FANCM: variants seen among roughly 807,000 people sequenced by gnomAD.
The protein encoded by FANCM is FA complementation group M.
In FANCM, 140 loss-of-function variants were observed where a neutral mutation model predicts 199.5. The observed-to-expected ratio is 0.70, with a 90% CI of 0.61 to 0.81. The LOEUF (loss-of-function observed/expected upper bound fraction) is 0.81. FANCM is among the 30% of genes least tolerant of loss of function. The probability of loss-of-function intolerance (pLI) is 0.00; values close to 1 mark genes in which losing one functional copy is unlikely to be tolerated. For synonymous variants in FANCM, 840 were observed against 836.8 expected, an observed-to-expected ratio of 1.00 and a Z score of -0.07; for missense variants, 2,410 against 2,421.4, an observed-to-expected ratio of 1.00 and a Z score of 0.10.
Position 45,175,712 on chromosome 14 carries a change from A to T in FANCM, c.2958A>T (p.Val986=), listed in dbSNP as rs779452715. The T allele has an allele frequency of 5.0e-6, 8 of 1,613,916 alleles. No individual in the cohort carries two copies. The highest frequency in any genetic ancestry group is 6.8e-6 in the Non-Finnish European group (8 of 1,179,872). ...FYNCHSLTKE[V]LANVERFLSY... ...ATTGTCACTCATTGACAAAAGAGGT[A>T]CTAGCTAATGTAGAGAGATTTTTAT... is the stretch of plus-strand genomic sequence containing the variant. Residue 986 remains valine, a synonymous_variant, in exon 14 of 23, where the codon GTA becomes GTT. Coordinates refer to ENST00000267430, the MANE Select transcript of FANCM (RefSeq NM_020937.4).
At chr14:45,140,065 A>G (rs572309309) in intron 2 of FANCM, among the ~76,000 whole-genome samples, 2 of 152,308 alleles carry the variant, frequency 1.3e-5, no homozygotes, top group Admixed American at 1.3e-4. Context: ...TTCAAATATA[A>G]TTTCGTATTG....
At position 45,137,039 on chromosome 14, in the gene FANCM, T is replaced by C. The variant is rs1432960671; in HGVS notation, c.509-30T>C. On this transcript the variant is annotated intron_variant, in intron 1 of 22. Coordinates refer to ENST00000267430, the MANE Select transcript of FANCM (RefSeq NM_020937.4). The stretch of plus-strand genomic sequence containing the variant: ...ATTTTATAGATAACAGTCTGAAGTT[T>C]AGAATGTAGAATGTCACTTTTATTT... 1.9e-6 allele frequency: 3 copies of C among 1,539,482 alleles called. No homozygotes were observed. In the Admixed American group the frequency reaches 5.0e-5, roughly 26 times the overall value.
chr14:45,167,043 A>G lies in FANCM; in HGVS notation c.1882A>G (p.Met628Val). 1.9e-6 allele frequency: 3 copies of G among 1,611,874 alleles called. No homozygotes were observed. Among genetic ancestry groups the G allele is most frequent in the South Asian group, 1.1e-5 (1 of 91,038 alleles). The change falls in exon 11 of 23, where the codon ATG becomes GTG. Residue 628 changes from methionine (M) to valine (V), a missense_variant. Coordinates refer to ENST00000267430, the MANE Select transcript of FANCM (RefSeq NM_020937.4). ...TCATTTTTACCAAAGAAGTCCACGA[A>G]TGGTTCCTGATGGAATCAACCCAAA... ...VLHFYQRSPR[M>V]VPDGINPKLH... is the part of the protein sequence containing the mutation.
rs927740676 is a variant in FANCM at position 45,153,907 on chromosome 14, G to C, written c.1051-13G>C. 6.2e-7 allele frequency: 1 copy of C among 1,607,140 alleles called. No individual in the cohort carries two copies. Among genetic ancestry groups the C allele is most frequent in the Non-Finnish European group, 8.5e-7 (1 of 1,173,966 alleles). ...ATTTCTCTGGTTAAATTTGACATAT[G>C]CTGTTTTTCTAGGGAATACAACAAG... On this transcript the variant is annotated splice_polypyrimidine_tract_variant and intron_variant, in intron 5 of 22. Coordinates refer to ENST00000267430, the MANE Select transcript of FANCM (RefSeq NM_020937.4).
At chr14:45,136,631 C>G in intron 1 of FANCM, 92 bp downstream of exon 1, 1 of 1,246,302 alleles carries the variant, frequency 8.0e-7, no homozygotes, top group East Asian at 2.3e-5. Context: ...CATCTTACGC[C>G]CTCCCTCTTA....
chr14:45,166,266 G>T (rs375500382), intron 10 of FANCM, among the ~76,000 whole-genome samples: 2 of 151,904 alleles, frequency 1.3e-5, no homozygotes, highest in South Asian at 2.1e-4. Context: ...TGAGTAGCTG[G>T]GACTACAGGC....
intron 14 of FANCM, 78 bp from the exon 15 acceptor site, chr14:45,181,352 C>A: frequency 1.3e-6 from 1 of 742,870 alleles, no homozygotes; most frequent in Non-Finnish European, 2.3e-6. Flanking sequence ...CTTAATGTAG[C>A]CATCAATAAA....
rs549949638 is a variant in FANCM at position 45,141,144 on chromosome 14, C to T, written c.759+435C>T. Among the ~76,000 whole-genome samples, 10 of 151,752 alleles carry T rather than the reference C, an allele frequency of 6.6e-5. No individual in the cohort carries two copies. In the East Asian group the frequency reaches 9.7e-4, roughly 15 times the overall value. Reference sequence around the variant, plus strand: ...TCTACCAAAAATACAAAAAATTAACCGGGCGTGGTGGTGGGCACCTGTAGT... The same window carrying T: ...TCTACCAAAAATACAAAAAATTAACTGGGCGTGGTGGTGGGCACCTGTAGT... On this transcript the variant is annotated intron_variant, in intron 3 of 22. Coordinates refer to ENST00000267430, the MANE Select transcript of FANCM (RefSeq NM_020937.4).
chr14:45,181,491 A>G lies in FANCM; in HGVS notation c.4284A>G (p.Lys1428=), dbSNP rs1594805798. The G allele has an allele frequency of 6.2e-7, 1 of 1,608,358 alleles. No individual in the cohort carries two copies. Among genetic ancestry groups the G allele is most frequent in the Middle Eastern group, 1.7e-4 (1 of 6,050 alleles). ...ACGAGATTTTCCGAAGAAAAGTTAA[A>G]AGAGCAAAAGGAAATGTTTTAAACT... ...EDDEIFRRKV[K]RAKGNVLNSP... The change falls in exon 15 of 23, where the codon AAA becomes AAG. Residue 1428 remains lysine (K), a synonymous_variant. Coordinates refer to ENST00000267430, the MANE Select transcript of FANCM (RefSeq NM_020937.4).
rs2139318691 is a variant in FANCM, at chr14:45,196,163, C to T, written c.5341-9C>T. The T allele has an allele frequency of 6.2e-7, 1 of 1,614,066 alleles. No homozygotes were observed. Among genetic ancestry groups the T allele is most frequent in the African/African-American group, 1.3e-5 (1 of 75,030 alleles). On this transcript the variant is annotated splice_polypyrimidine_tract_variant and intron_variant, in intron 20 of 22. Transcript: ENST00000267430. ...ACCTGAATGTGACCAGTGTTTTCCACTTTTTCAGGATGGTAGTGCTTTGGA... is the reference window on the plus strand; with the variant it reads ...ACCTGAATGTGACCAGTGTTTTCCATTTTTTCAGGATGGTAGTGCTTTGGA...
In FANCM at chr14:45,193,933, A is replaced by G. The variant is rs75657942; in HGVS notation, c.5341-2239A>G. 4.4e-3 allele frequency among the ~76,000 whole-genome samples: 672 copies of G among 152,236 alleles called. 7 individuals are homozygous for G. The highest frequency in any genetic ancestry group is 0.015 in the African/African-American group (624 of 41,552). ...CATCTTAATAATGTTAAATTTCTCA[A>G]TGCATGAAAATGGGATGTCTTTTTA... On this transcript the variant is annotated intron_variant, in intron 20 of 22. Coordinates refer to ENST00000267430, the MANE Select transcript of FANCM (RefSeq NM_020937.4).
chr14:45,170,439 T>G (rs1327493357), intron 11 of FANCM, 150 bp from the exon 12 acceptor site: 3 of 570,436 alleles, frequency 5.3e-6, no homozygotes, highest in Non-Finnish European at 9.6e-6. Context: ...GGCAGGAGGA[T>G]TGCTTGAACC....
intron 9 of FANCM, among the ~76,000 whole-genome samples, chr14:45,162,870 T>G (rs1053801840): frequency 6.6e-6 from 1 of 152,194 alleles, no homozygotes; most frequent in Non-Finnish European, 1.5e-5. Flanking sequence ...TGGCCTTTTT[T>G]TTTTCTTTAT....
chr14:45,181,963 G>C (rs1889101471), intron 16 of FANCM, among the ~76,000 whole-genome samples: 1 of 152,150 alleles, frequency 6.6e-6, no homozygotes, highest in African/African-American at 2.4e-5. Context: ...CAGTACACTT[G>C]AGCAATTCGG....
At chr14:45,196,582 G>A (rs2139321106) in intron 21 of FANCM, 35 bp downstream of exon 21, 1 of 1,596,194 alleles carries the variant, frequency 6.3e-7, no homozygotes, top group Non-Finnish European at 8.5e-7. Context: ...TTATAAGACT[G>A]TAAAGGAACT....
chr14:45,152,238 C>T (rs999208250), intron 5 of FANCM, among the ~76,000 whole-genome samples: 11 of 152,036 alleles, frequency 7.2e-5, no homozygotes, highest in African/African-American at 1.7e-4. Flanking sequence ...TCATGTTGGC[C>T]GGGCTGGTCT....
Position 45,188,968 on chromosome 14 carries a change from T to G in FANCM, c.4946T>G (p.Leu1649Arg), listed in dbSNP as rs1472981713. 4 of 1,613,952 alleles carry G rather than the reference T, an allele frequency of 2.5e-6. No individual in the cohort carries two copies. The highest frequency in any genetic ancestry group is 1.3e-5 in the African/African-American group (1 of 74,920). The change falls in exon 20 of 23, where the codon CTA (leucine) becomes CGA (arginine). Residue 1649 changes from leucine to arginine, a missense_variant. By Grantham distance (102) the Leu-to-Arg change is moderately radical. Coordinates refer to ENST00000267430, the MANE Select transcript of FANCM (RefSeq NM_020937.4). ...TATAAAACTCGACGTGCAGTAATGC[T>G]AAAAGAAATGATGGAACAAAATTGT... ...KKYKTRRAVM[L>R]KEMMEQNCAH...
At chr14:45,155,560 C>T (rs1887126468) in intron 8 of FANCM, 101 bp downstream of exon 8, 3 of 664,132 alleles carry the variant, frequency 4.5e-6, no homozygotes, top group Non-Finnish European at 5.6e-6. Flanking sequence ...AATCCCAGCA[C>T]TTTGGGAGGC....
rs571524009 is a variant in FANCM, at chr14:45,163,422, C to T, written c.1582-937C>T. On this transcript the variant is annotated intron_variant, in intron 9 of 22. Coordinates refer to ENST00000267430, the MANE Select transcript of FANCM (RefSeq NM_020937.4). ...CACTTAATTACCACCTCCACCACTC[C>T]ACTGTACACAAACTCACAATGTTGG... is the stretch of plus-strand genomic sequence containing the variant. Among the ~76,000 whole-genome samples, 5 of 152,280 alleles carry T rather than the reference C, an allele frequency of 3.3e-5. No individual in the cohort carries two copies. In the East Asian group the frequency reaches 9.6e-4, roughly 29 times the overall value.
Sources: allele counts gnomAD v4.1 joint callset (sites outside exome capture counted in the v4.1 genomes callset), GRCh38; gene constraint gnomAD v4.1.1; transcripts MANE v1.5; gene names NCBI Gene and HGNC (gene_info 2026-07-23, HGNC 2026-07-21).